The following WDPCP variants were observed in gnomAD, a reference collection of about 807,000 sequenced individuals.
WDPCP encodes the protein WD repeat-containing and planar cell polarity effector protein fritz homolog.
In WDPCP, 71 loss-of-function variants were observed where a neutral mutation model predicts 93.1. The ratio of observed to expected loss-of-function variants is 0.76; its 90% CI spans 0.63 to 0.93. The LOEUF (loss-of-function observed/expected upper bound fraction) is 0.93, where lower values mean the gene tolerates loss of function less well. Among genes scored for constraint, WDPCP ranks in the 40% least tolerant of loss-of-function variants. The pLI, the probability that WDPCP is intolerant of heterozygous loss-of-function variation, is 0.00. For synonymous variants in WDPCP, 315 were observed against 315.0 expected (o/e 1.00, Z 0.00); for missense variants, 844 against 887.4 (o/e 0.95, Z 0.62).
chr2:63,503,820 T>G (rs1414730507), intron 1 of WDPCP, among the ~76,000 whole-genome samples: 1 of 151,664 alleles, frequency 6.6e-6, no homozygotes, highest in Non-Finnish European at 1.5e-5. Flanking sequence ...TCTAAACCAA[T>G]GCTTAAATAC....
chr2:63,675,128 C>T (rs1018402686), intron 2 of WDPCP, among the ~76,000 whole-genome samples: 9 of 152,164 alleles, frequency 5.9e-5, no homozygotes, highest in Non-Finnish European at 1.2e-4. Flanking sequence ...TTTTAACCTC[C>T]GCTGGGAGCT....
chr2:63,341,277 C>T (rs1688815929), intron 12 of WDPCP, among the ~76,000 whole-genome samples: 5 of 152,098 alleles, frequency 3.3e-5, no homozygotes, highest in Admixed American at 6.5e-5. Flanking sequence ...TACAGGAGCG[C>T]ACCACCATGC....
chr2:63,291,534 C>T (rs1684418278), intron 13 of WDPCP, among the ~76,000 whole-genome samples: 1 of 152,174 alleles, frequency 6.6e-6, no homozygotes, highest in Non-Finnish European at 1.5e-5. Flanking sequence ...GGAGGCTGGG[C>T]ATGGTCGTTC....
At chr2:63,450,654 C>A (rs887037020) in intron 6 of WDPCP, among the ~76,000 whole-genome samples, 2 of 152,142 alleles carry the variant, frequency 1.3e-5, no homozygotes, top group Non-Finnish European at 2.9e-5. Context: ...CCAACTGGCA[C>A]CCCTGTCCTC....
intron 17 of WDPCP, among the ~76,000 whole-genome samples, chr2:63,143,682 T>A (rs1053117284): frequency 2.0e-5 from 3 of 152,204 alleles, no homozygotes; most frequent in Non-Finnish European, 2.9e-5. Context: ...CGACTATATC[T>A]TTGCTTCATA....
In WDPCP at chr2:63,404,391, A is replaced by C. The variant is rs1403157274; in HGVS notation, c.1092T>G (p.Tyr364Ter). ...AGAGAGTCACTCTACGGTGAGTTTC[A>C]TAAAGAATTAGCGAAGAATCTTCAC... ...LGCEDSSLILYETHRRVTLLA... is the reference protein window; with the variant it reads ...LGCEDSSLIL The change falls in exon 10 of 18, where the codon TAT becomes TAG. Residue 364 changes from tyrosine to a stop codon, truncating the protein, a stop_gained. Coordinates refer to ENST00000272321, the MANE Select transcript of WDPCP (RefSeq NM_015910.7). LOFTEE classifies it high-confidence loss of function. 2 of 1,614,220 alleles carry C rather than the reference A, an allele frequency of 1.2e-6. No individual in the cohort carries two copies. The highest frequency in any genetic ancestry group is 3.3e-5 in the Admixed American group (2 of 60,024).
chr2:63,363,566 C>T (rs987870326), intron 12 of WDPCP, among the ~76,000 whole-genome samples: 1 of 151,876 alleles, frequency 6.6e-6, no homozygotes, highest in East Asian at 1.9e-4. Flanking sequence ...CCACTGCACT[C>T]CAGAGTGGGC....
intron 3 of WDPCP, among the ~76,000 whole-genome samples, chr2:63,605,623 T>C (rs1258124745): frequency 6.6e-6 from 1 of 152,170 alleles, no homozygotes; most frequent in Non-Finnish European, 1.5e-5. Flanking sequence ...TTAAAGGAGA[T>C]TGCACATGGA....
At chr2:63,719,506 A>T (rs1403088197) in intron 2 of WDPCP, among the ~76,000 whole-genome samples, 2 of 152,216 alleles carry the variant, frequency 1.3e-5, no homozygotes, top group African/African-American at 4.8e-5. Flanking sequence ...TGGCAAAACA[A>T]TCATGGTGAG....
intron 14 of WDPCP, among the ~76,000 whole-genome samples, chr2:63,245,675 A>C (rs1225265667): frequency 6.6e-6 from 1 of 152,178 alleles, no homozygotes; most frequent in East Asian, 1.9e-4. Flanking sequence ...TGAAACCAGC[A>C]AAGATCATGA....
intron 3 of WDPCP, chr2:63,594,486 A>C: frequency 6.2e-7 from 1 of 1,609,388 alleles, no homozygotes; most frequent in Non-Finnish European, 8.5e-7. Flanking sequence ...TTTTCATTAC[A>C]GTCTGAACCA....
intron 13 of WDPCP, among the ~76,000 whole-genome samples, chr2:63,286,376 TG>T (rs1223355772): frequency 6.6e-6 from 1 of 152,196 alleles, no homozygotes; most frequent in Non-Finnish European, 1.5e-5. Flanking sequence ...CAATGTACTT[TG>T]TAATCTCCCC....
intron 3 of WDPCP, among the ~76,000 whole-genome samples, chr2:63,618,582 C>T (rs1027911279): frequency 2.6e-5 from 4 of 152,124 alleles, no homozygotes; most frequent in Admixed American, 6.5e-5. Context: ...CACTCTTGAG[C>T]TCTAGTTGAC....
Position 63,382,097 on chromosome 2 carries a change from A to G in WDPCP, c.1436-3T>C, listed in dbSNP as rs1692362343. 1 of 1,611,832 alleles carries G rather than the reference A, an allele frequency of 6.2e-7. No homozygotes were observed. ...CAGCTGTCCTCGAGTGAAGACGCCT[A>G]TCACAAAACATGGAAAACCAGGTGA... On this transcript the variant is annotated splice_region_variant and splice_polypyrimidine_tract_variant and intron_variant, in intron 10 of 17. Transcript: ENST00000272321.
chr2:63,144,439 A>G (rs909392172), intron 17 of WDPCP, among the ~76,000 whole-genome samples: 2 of 152,008 alleles, frequency 1.3e-5, no homozygotes, highest in Non-Finnish European at 2.9e-5. Flanking sequence ...TATTTTTAGT[A>G]GAGATGGGGT....
chr2:63,222,537 A>C (rs1423879402), intron 14 of WDPCP, among the ~76,000 whole-genome samples: 1 of 152,224 alleles, frequency 6.6e-6, no homozygotes, highest in Non-Finnish European at 1.5e-5. Flanking sequence ...TCATCTGAGA[A>C]GACCTATAGG....
At chr2:63,816,469 T>C (rs1670933759) in intron 1 of WDPCP, among the ~76,000 whole-genome samples, 1 of 151,902 alleles carries the variant, frequency 6.6e-6, no homozygotes, top group East Asian at 1.9e-4. Context: ...AGACAGAAGA[T>C]AAGAAAGACA....
intron 1 of WDPCP, among the ~76,000 whole-genome samples, chr2:63,547,108 A>G (rs1163374019): frequency 6.6e-6 from 1 of 152,182 alleles, no homozygotes; most frequent in Non-Finnish European, 1.5e-5. Flanking sequence ...GAAAAGACAT[A>G]TCTCAAAAAA....
At chr2:63,214,371 C>A (rs919863715) in intron 14 of WDPCP, among the ~76,000 whole-genome samples, 2 of 152,134 alleles carry the variant, frequency 1.3e-5, no homozygotes, top group African/African-American at 4.8e-5. Context: ...AAGACAAAAA[C>A]CACATGATTA....
Sources: allele counts gnomAD v4.1 joint callset (sites outside exome capture counted in the v4.1 genomes callset), GRCh38; gene constraint gnomAD v4.1.1; transcripts MANE v1.5; gene names NCBI Gene and HGNC (gene_info 2026-07-23, HGNC 2026-07-21).